Variants in FAM135B observed in about 807,000 individuals in gnomAD.
FAM135B encodes family with sequence similarity 135 member B.
In FAM135B, 43 loss-of-function variants were observed where a neutral mutation model predicts 127.7. The ratio of observed to expected loss-of-function variants is 0.34; its 90% confidence interval spans 0.26 to 0.43. The LOEUF (loss-of-function observed/expected upper bound fraction) is 0.43, where lower values mean the gene tolerates loss of function less well. FAM135B is among the 20% of genes least tolerant of loss of function. FAM135B has a pLI of 1.00. For missense variants in FAM135B, 1,558 were observed against 1,725.6 expected (o/e 0.90, Z 1.72); for synonymous variants, 670 against 665.1 (o/e 1.01, Z -0.11).
intron 1 of FAM135B, among the ~76,000 whole-genome samples, chr8:138,446,382 T>C (rs1157572375): frequency 6.6e-6 from 1 of 152,106 alleles, no homozygotes; most frequent in African/African-American, 2.4e-5. Flanking sequence ...GCTGGAGGCA[T>C]CACGCTACCT....
At chr8:138,444,391 A>G (rs1234111851) in intron 1 of FAM135B, among the ~76,000 whole-genome samples, 4 of 152,192 alleles carry the variant, frequency 2.6e-5, no homozygotes, top group African/African-American at 4.8e-5. Context: ...AATTGACCAC[A>G]TAGTTGGAAG....
At chr8:138,353,005 G>A (rs915933541) in intron 2 of FAM135B, among the ~76,000 whole-genome samples, 4 of 152,130 alleles carry the variant, frequency 2.6e-5, no homozygotes, top group African/African-American at 9.7e-5. Context: ...GTTCTAGGCA[G>A]GCAATGCCTC....
intron 2 of FAM135B, among the ~76,000 whole-genome samples, chr8:138,336,168 T>C (rs1380544256): frequency 1.3e-5 from 2 of 151,796 alleles, no homozygotes; most frequent in African/African-American, 4.8e-5. Flanking sequence ...AGATCTAAAA[T>C]TGACACCCTA....
At chr8:138,282,866 T>C (rs1419487357) in intron 3 of FAM135B, among the ~76,000 whole-genome samples, 1 of 152,308 alleles carries the variant, frequency 6.6e-6, no homozygotes, top group Admixed American at 6.5e-5. Context: ...CAAGTCTATG[T>C]AGAAACCCAC....
chr8:138,368,100 A>G, intron 1 of FAM135B, 98 bp from the exon 2 acceptor site: 1 of 786,916 alleles, frequency 1.3e-6, no homozygotes, highest in Non-Finnish European at 2.2e-6. Context: ...CAACAGGACC[A>G]ACAGGAGTAG....
At chr8:138,143,303 A>T (rs1817372131) in intron 15 of FAM135B, among the ~76,000 whole-genome samples, 194 bp from the exon 16 acceptor site, 1 of 152,148 alleles carries the variant, frequency 6.6e-6, no homozygotes, top group African/African-American at 2.4e-5. Context: ...AGAAACATGG[A>T]GATGCTCAGG....
rs560004211 is a variant in FAM135B, at chr8:138,301,507, A to C, written c.157+9334T>G. Among the ~76,000 whole-genome samples the C allele has an allele frequency of 7.2e-5, 11 of 152,134 alleles. No individual in the cohort carries two copies. The East Asian group carries it at 2.1e-3, about 29-fold the overall frequency. ...CAATTTTCTTTTTTTTCCTAACGGC[A>C]TGACATTCAGCTTTCCACTTCCTTT... is the stretch of plus-strand genomic sequence containing the variant. On this transcript the variant is annotated intron_variant, in intron 3 of 19. Coordinates refer to ENST00000395297, the MANE Select transcript of FAM135B (RefSeq NM_015912.4).
intron 11 of FAM135B, among the ~76,000 whole-genome samples, chr8:138,172,258 A>G (rs1191129818): frequency 6.6e-6 from 1 of 152,106 alleles, no homozygotes; most frequent in Non-Finnish European, 1.5e-5. Context: ...AATGACTCCC[A>G]CCCCTGCCAT....
intron 1 of FAM135B, among the ~76,000 whole-genome samples, chr8:138,373,808 TA>T (rs1414736978): frequency 6.6e-6 from 1 of 152,136 alleles, no homozygotes; most frequent in Non-Finnish European, 1.5e-5. Context: ...CAGTCTCCCG[TA>T]GCGCTCCCAG....
rs1817208017 is a variant in FAM135B at position 138,202,372 on chromosome 8, C to G, written c.670-4703G>C. ...GCAAGTGATCCTTCCACTCCAGTCTCCTGAGTAGCTGGGACTACAGGCATG... is the reference window on the plus strand; with the variant it reads ...GCAAGTGATCCTTCCACTCCAGTCTGCTGAGTAGCTGGGACTACAGGCATG... On this transcript the variant is annotated intron_variant, in intron 7 of 19. Transcript: ENST00000395297. Among the ~76,000 whole-genome samples the G allele has an allele frequency of 2.0e-5, 3 of 152,068 alleles. 1 individual carries two copies. The South Asian group carries it at 6.2e-4, about 31-fold the overall frequency.
chr8:138,431,988 AGT>A (rs768730555), intron 1 of FAM135B, among the ~76,000 whole-genome samples: 7 of 152,188 alleles, frequency 4.6e-5, no homozygotes, highest in Non-Finnish European at 8.8e-5. Flanking sequence ...ATCAGCCAGA[AGT>A]GTGTCATGTG....
chr8:138,153,071 G>C lies in FAM135B; in HGVS notation c.1404C>G (p.Ser468=), dbSNP rs1251293494. The C allele has an allele frequency of 1.2e-6, 2 of 1,613,950 alleles. No individual in the cohort carries two copies. The highest frequency in any genetic ancestry group is 1.3e-5 in the African/African-American group (1 of 74,880). Residue 468 remains serine, a synonymous_variant, in exon 13 of 20, where the codon TCC becomes TCG. Transcript: ENST00000395297. ...EDLVLSTIKP[S]QMDSDEEVIR... is the part of the protein sequence containing the mutation. ...TAACTTCTTCATCAGAATCCATTTG[G>C]GATGGTTTTATGGTAGACAAGACAA... is the stretch of plus-strand genomic sequence containing the variant.
At chr8:138,333,604 C>T (rs1828341364) in intron 2 of FAM135B, among the ~76,000 whole-genome samples, 1 of 152,156 alleles carries the variant, frequency 6.6e-6, no homozygotes. Flanking sequence ...GCAGGTTTTC[C>T]TTAGCTAGAC....
intron 3 of FAM135B, among the ~76,000 whole-genome samples, chr8:138,275,548 A>G (rs1231566300): frequency 6.6e-6 from 1 of 152,098 alleles, no homozygotes; most frequent in Non-Finnish European, 1.5e-5. Flanking sequence ...ATATAAAATT[A>G]GCTGGGCACC....
At chr8:138,277,130 C>T (rs1244166191) in intron 3 of FAM135B, among the ~76,000 whole-genome samples, 1 of 152,162 alleles carries the variant, frequency 6.6e-6, no homozygotes, top group East Asian at 1.9e-4. Flanking sequence ...AGCTTTTCAC[C>T]TCATTTATTC....
intron 15 of FAM135B, among the ~76,000 whole-genome samples, chr8:138,145,001 G>A (rs74923761): frequency 6.6e-6 from 1 of 151,900 alleles, no homozygotes; most frequent in African/African-American, 2.4e-5. Context: ...TTTTATTTTA[G>A]TTTAGTTTAG....
In FAM135B at chr8:138,419,284, G is replaced by C. The variant is rs778075787; in HGVS notation, c.-19-51282C>G. Among the ~76,000 whole-genome samples, 170 of 151,952 alleles carry C rather than the reference G, an allele frequency of 1.1e-3. 2 individuals are homozygous for C. The highest frequency in any genetic ancestry group is 3.5e-4 in the Non-Finnish European group (24 of 67,958). On this transcript the variant is annotated intron_variant, in intron 1 of 19. Transcript: ENST00000395297. ...AGAATGGTGTTACATAATGATAAAG[G>C]GTTCAACTCAACAAGAAGACTTAAC...
At chr8:138,210,650 A>G (rs1417697628) in intron 7 of FAM135B, among the ~76,000 whole-genome samples, 1 of 152,166 alleles carries the variant, frequency 6.6e-6, no homozygotes, top group East Asian at 1.9e-4. Context: ...TGAGAACAGC[A>G]TGGGAGAAAT....
chr8:138,299,634 C>T (rs1010053943), intron 3 of FAM135B, among the ~76,000 whole-genome samples: 2 of 152,056 alleles, frequency 1.3e-5, no homozygotes, highest in African/African-American at 2.4e-5. Context: ...AAAAATTAAG[C>T]TGCAGAGTCA....
Sources: gnomAD v4.1 joint callset for allele counts (sites outside exome capture counted in the v4.1 genomes callset) on GRCh38, gnomAD v4.1.1 for gene constraint, MANE v1.5 for transcripts, NCBI Gene and HGNC (gene_info 2026-07-23, HGNC 2026-07-21) for gene names.